Variants in POLI observed in about 807,000 individuals in gnomAD.
POLI encodes the protein DNA polymerase iota, also known as RAD30 homolog B.
A neutral mutation model predicts 51.6 loss-of-function variants in POLI; 58 were observed. The ratio of observed to expected loss-of-function variants is 1.12; its 90% CI spans 0.91 to 1.40. POLI has a LOEUF of 1.40. Among genes scored for constraint, POLI ranks in the 40% most tolerant of loss-of-function variants. The probability of loss-of-function intolerance (pLI) is 0.00; values close to 1 mark genes in which losing one functional copy is unlikely to be tolerated. For missense variants in POLI, 921 were observed against 871.3 expected (o/e 1.06, Z -0.72); for synonymous variants, 322 against 299.7 (o/e 1.07, Z -0.77).
intron 3 of POLI, among the ~76,000 whole-genome samples, chr18:54,309,930 A>G (rs1038452508): frequency 9.2e-5 from 14 of 152,168 alleles, no homozygotes; most frequent in Admixed American, 2.0e-4. Context: ...GCCGTTTGCT[A>G]AGACCATTGG....
intron 5 of POLI, among the ~76,000 whole-genome samples, 171 bp downstream of exon 5, chr18:54,281,074 G>A (rs2087479784): frequency 6.6e-6 from 1 of 151,994 alleles, no homozygotes. Flanking sequence ...AAACTGTAAT[G>A]TTTTCTCAAG....
chr18:54,316,569 G>A (rs1438469226), intron 3 of POLI, among the ~76,000 whole-genome samples: 1 of 152,156 alleles, frequency 6.6e-6, no homozygotes, highest in Non-Finnish European at 1.5e-5. Context: ...GTTTTGTGGT[G>A]TTATTTCAGT....
chr18:54,302,599 AT>A (rs1337948935), downstream of POLI, among the ~76,000 whole-genome samples: 3 of 152,176 alleles, frequency 2.0e-5, no homozygotes, highest in Non-Finnish European at 2.9e-5. Flanking sequence ...CCCCTCAAGC[AT>A]TTATCTTTTG....
chr18:54,315,998 C>A (rs1328808465), intron 3 of POLI, among the ~76,000 whole-genome samples: 2 of 151,956 alleles, frequency 1.3e-5, no homozygotes, highest in African/African-American at 2.4e-5. Flanking sequence ...TCACTGCAGG[C>A]TTGAACTCCT....
intron 3 of POLI, among the ~76,000 whole-genome samples, chr18:54,311,571 G>T (rs1316377358): frequency 6.6e-6 from 1 of 152,124 alleles, no homozygotes; most frequent in Non-Finnish European, 1.5e-5. Flanking sequence ...AGAACAATTT[G>T]TGATGTTGAC....
At position 54,293,965 on chromosome 18, in the gene POLI, A is replaced by T. The variant is rs1448992246; in HGVS notation, c.1721A>T (p.Lys574Ile). 6.2e-6 allele frequency: 10 copies of T among 1,612,898 alleles called. No individual in the cohort carries two copies. The highest frequency in any genetic ancestry group is 8.5e-6 in the Non-Finnish European group (10 of 1,179,150). ...ASRGVLSFFSKKQMQDIPINP... is the reference protein window; with the variant it reads ...ASRGVLSFFSIKQMQDIPINP... ...AGAGGAGTATTATCTTTCTTTTCTA[A>T]AAAACAAATGCAAGATATTCCCATA... is the stretch of plus-strand genomic sequence containing the variant. The change falls in exon 10 of 10, where the codon AAA (lysine) becomes ATA (isoleucine). Residue 574 changes from lysine to isoleucine, a missense_variant. Transcript: ENST00000579534.
chr18:54,293,847 C>T lies in POLI; in HGVS notation c.1603C>T (p.Leu535Phe), dbSNP rs1333713430. ...EGVDQEVFKQ[L>F]PVDIQEEILS... ...TGTTGACCAAGAAGTCTTCAAGCAG[C>T]TTCCAGTAGATATTCAAGAAGAAAT... Residue 535 changes from leucine (L) to phenylalanine (F), a missense_variant, in exon 10 of 10, where the codon CTT (leucine) becomes TTT (phenylalanine). Physicochemically the swap from Leu to Phe is conservative, Grantham distance 22. Coordinates refer to ENST00000579534, the MANE Select transcript of POLI (RefSeq NM_007195.3). 4.3e-6 allele frequency: 7 copies of T among 1,610,346 alleles called. No homozygotes were observed. The South Asian group carries it at 7.7e-5, about 18-fold the overall frequency.
intron 3 of POLI, among the ~76,000 whole-genome samples, chr18:54,275,564 G>A (rs1284946967): frequency 6.6e-6 from 1 of 152,162 alleles, no homozygotes; most frequent in African/African-American, 2.4e-5. Flanking sequence ...AAGGTACAAA[G>A]TCATGTATCA....
chr18:54,315,707 GC>G (rs958224499), intron 3 of POLI, among the ~76,000 whole-genome samples: 23 of 151,992 alleles, frequency 1.5e-4, no homozygotes, highest in African/African-American at 5.3e-4. Context: ...ATTATATAAT[GC>G]CCTTCTTTGT....
chr18:54,284,019 T>G lies in POLI; in HGVS notation c.1067+6T>G. 4.9e-6 allele frequency: 6 copies of G among 1,214,238 alleles called. No homozygotes were observed. Among genetic ancestry groups the G allele is most frequent in the Non-Finnish European group, 7.1e-6 (6 of 841,310 alleles). 75.2% of individuals were successfully genotyped at this position (1,214,238 alleles called of 1,614,324 possible). The stretch of plus-strand genomic sequence containing the variant: ...CTTGCTAGTCTTTTAAACAGGTGAT[T>G]TTCAATCCATTTTGCCAAGTCATCC... On this transcript the variant is annotated splice_donor_region_variant and intron_variant, in intron 7 of 9. Transcript: ENST00000579534.
intron 8 of POLI, among the ~76,000 whole-genome samples, chr18:54,288,394 G>A (rs1450499610): frequency 3.3e-5 from 5 of 152,000 alleles, no homozygotes; most frequent in African/African-American, 1.2e-4. Context: ...ATTTTTTTAT[G>A]TGTGGTATAC....
intron 3 of POLI, among the ~76,000 whole-genome samples, chr18:54,275,499 T>C (rs1428513325): frequency 6.6e-6 from 1 of 152,216 alleles, no homozygotes; most frequent in Admixed American, 6.5e-5. Flanking sequence ...AAAGAATTCA[T>C]TGGTGCAATA....
intron 7 of POLI, among the ~76,000 whole-genome samples, chr18:54,286,879 G>T: frequency 6.6e-6 from 1 of 152,100 alleles, no homozygotes; most frequent in East Asian, 1.9e-4. Context: ...GGGAGGTGAA[G>T]GTTGCAGTGA....
chr18:54,317,645 T>C (rs1004587924), intron 3 of POLI, among the ~76,000 whole-genome samples: 1 of 152,128 alleles, frequency 6.6e-6, no homozygotes, highest in African/African-American at 2.4e-5. Context: ...GGAGAATTGC[T>C]TGAGGCTAGG....
chr18:54,271,939 A>G (rs558375697), intron 2 of POLI, among the ~76,000 whole-genome samples: 2 of 152,252 alleles, frequency 1.3e-5, no homozygotes, highest in African/African-American at 2.4e-5. Flanking sequence ...TATTATTAAG[A>G]CAGCAAACTT....
At position 54,320,362 on chromosome 18, in the gene POLI, C is replaced by CACTAAAGGAGTTTT. The variant is rs2088776871; in HGVS notation, c.*9_*22dup. Reference sequence around the variant, plus strand: ...GAAGCTAGAGGGTGTTTTTACTAAACACTAAAGGAGTTTTACTAAAGGAGT... The same window carrying CACTAAAGGAGTTTT: ...GAAGCTAGAGGGTGTTTTTACTAAACACTAAAGGAGTTTTACTAAAGGAGTTTTACTAAAGGAGT... On this transcript the variant is annotated stop_gained and frameshift_variant, in exon 4 of 5. Transcript: ENST00000579823. LOFTEE classifies it high-confidence loss of function. 1 of 152,140 alleles carries CACTAAAGGAGTTTT rather than the reference C, an allele frequency of 6.6e-6. No homozygotes were observed. Among genetic ancestry groups the CACTAAAGGAGTTTT allele is most frequent in the Non-Finnish European group, 1.5e-5 (1 of 68,020 alleles). The allele number at this position is 152,140 out of a possible 1,614,324, so 9.4% of individuals were successfully genotyped here. A position where few individuals can be genotyped will look rare whatever the true frequency, so the allele number is the denominator to read the frequency against.
rs146107490 is a variant in POLI at position 54,282,954 on chromosome 18, G to A, written c.914G>A (p.Arg305His). The A allele has an allele frequency of 1.4e-4, 229 of 1,610,094 alleles. No homozygotes were observed. Among genetic ancestry groups the A allele is most frequent in the Non-Finnish European group, 1.8e-4 (212 of 1,178,030 alleles). The change falls in exon 6 of 10, where the codon CGT becomes CAT. Residue 305 changes from arginine (R) to histidine (H), a missense_variant. Transcript: ENST00000579534. ...EKELGISVAQ[R>H]IQKLSFGEDN... ...GAATTAGGAATTTCAGTTGCTCAGC[G>A]TATCCAAAAGCTCAGTTTTGGAGAG...
intron 6 of POLI, 149 bp downstream of exon 6, chr18:54,283,164 T>G: frequency 1.9e-6 from 1 of 520,394 alleles, no homozygotes; most frequent in Non-Finnish European, 3.4e-6. Context: ...ATTAATAGAT[T>G]GGATTAATAA....
Position 54,293,932 on chromosome 18 carries a change from A to C in POLI, c.1688A>C (p.His563Pro). 1 of 1,612,712 alleles carries C rather than the reference A, an allele frequency of 6.2e-7. No individual in the cohort carries two copies. The highest frequency in any genetic ancestry group is 2.2e-5 in the East Asian group (1 of 44,856). The change falls in exon 10 of 10, where the codon CAT becomes CCT. Residue 563 changes from histidine (H) to proline (P), a missense_variant. His to Pro is a moderately conservative substitution (Grantham distance 77). Transcript: ENST00000579534. The stretch of plus-strand genomic sequence containing the variant: ...AAAGGAAGTGTGAGTTGTCCATTAC[A>C]TGCCTCTAGAGGAGTATTATCTTTC... ...QGKGSVSCPL[H>P]ASRGVLSFFS...
Sources: allele counts gnomAD v4.1 joint callset (sites outside exome capture counted in the v4.1 genomes callset), GRCh38; gene constraint gnomAD v4.1.1; transcripts MANE v1.5; gene names NCBI Gene and HGNC (gene_info 2026-07-23, HGNC 2026-07-21).